CACNA2D3: variants seen among roughly 807,000 people sequenced by gnomAD.
CACNA2D3 encodes calcium voltage-gated channel auxiliary subunit alpha2delta 3, also known as voltage-dependent calcium channel subunit alpha-2/delta-3.
In CACNA2D3, 60 loss-of-function variants were observed where a neutral mutation model predicts 160.6. The ratio of observed to expected loss-of-function variants is 0.37; its 90% confidence interval spans 0.30 to 0.46. The LOEUF (loss-of-function observed/expected upper bound fraction) is 0.46, where lower values mean the gene tolerates loss of function less well. CACNA2D3 is among the 20% of genes least tolerant of loss of function. The pLI, the probability that CACNA2D3 is intolerant of heterozygous loss-of-function variation, is 1.00. For missense variants in CACNA2D3, 1,205 were observed against 1,365.0 expected (o/e 0.88, Z 1.85); for synonymous variants, 558 against 492.9 (o/e 1.13, Z -1.75).
At chr3:54,166,030 C>T (rs989734612) in intron 2 of CACNA2D3, among the ~76,000 whole-genome samples, 1 of 152,144 alleles carries the variant, frequency 6.6e-6, no homozygotes, top group Non-Finnish European at 1.5e-5. Context: ...GGAGCCCAGA[C>T]ATGGGAAGAG....
At chr3:55,071,613 C>T (rs1700083260) in intron 35 of CACNA2D3, among the ~76,000 whole-genome samples, 1 of 152,124 alleles carries the variant, frequency 6.6e-6, no homozygotes, top group Non-Finnish European at 1.5e-5. Flanking sequence ...GTTTTATTCT[C>T]ATTCTAAGTA....
intron 4 of CACNA2D3, among the ~76,000 whole-genome samples, chr3:54,394,540 A>G (rs975439538): frequency 1.3e-4 from 16 of 124,546 alleles, no homozygotes; most frequent in East Asian, 9.7e-4. Flanking sequence ...TCATTGTTCA[A>G]TTCCCACCTA....
chr3:55,038,079 G>A (rs1359546479), intron 35 of CACNA2D3, among the ~76,000 whole-genome samples: 1 of 152,104 alleles, frequency 6.6e-6, no homozygotes, highest in Admixed American at 6.6e-5. Flanking sequence ...TAACATCCAT[G>A]ATAAAGCAAT....
At chr3:54,627,131 G>A (rs2106816150) in intron 9 of CACNA2D3, among the ~76,000 whole-genome samples, 2 of 152,236 alleles carry the variant, frequency 1.3e-5, no homozygotes, top group Middle Eastern at 6.8e-3. Flanking sequence ...AGCCCCTTCT[G>A]TGTGTATTAC....
At chr3:54,924,550 A>G (rs769241590) in intron 27 of CACNA2D3, 2 of 1,263,038 alleles carry the variant, frequency 1.6e-6, no homozygotes, top group Non-Finnish European at 2.2e-6. Context: ...TTTCTAATGC[A>G]GAGAACAGAT....
chr3:54,923,902 A>G lies in CACNA2D3; in HGVS notation c.2449+24034A>G, dbSNP rs989295382. On this transcript the variant is annotated intron_variant, in intron 27 of 37. Transcript: ENST00000474759. ...CCCCTGTCACAACTACTCTGCTTTT[A>G]TAGTGCAAAGCAACCACTCACTCAT... Among the ~76,000 whole-genome samples the G allele has an allele frequency of 3.3e-5, 5 of 152,224 alleles. No homozygotes were observed. The South Asian group carries it at 1.0e-3, about 31-fold the overall frequency.
intron 2 of CACNA2D3, among the ~76,000 whole-genome samples, chr3:54,265,646 G>GTA (rs575779175): frequency 2.0e-5 from 3 of 146,808 alleles, no homozygotes; most frequent in Admixed American, 1.4e-4. Flanking sequence ...TATATAGTGT[G>GTA]TATATATATA....
At chr3:54,342,010 C>G (rs1698362773) in intron 3 of CACNA2D3, among the ~76,000 whole-genome samples, 1 of 152,122 alleles carries the variant, frequency 6.6e-6, no homozygotes, top group South Asian at 2.1e-4. Context: ...ATGTTGCTAT[C>G]TCTCCATCTC....
intron 2 of CACNA2D3, among the ~76,000 whole-genome samples, chr3:54,154,415 T>C (rs1700205090): frequency 6.6e-6 from 1 of 152,220 alleles, no homozygotes; most frequent in Non-Finnish European, 1.5e-5. Context: ...GTGATGGAGT[T>C]ACATTTGAAT....
intron 5 of CACNA2D3, among the ~76,000 whole-genome samples, chr3:54,533,269 G>A (rs183339144): frequency 8.6e-5 from 13 of 151,568 alleles, no homozygotes; most frequent in African/African-American, 3.1e-4. Context: ...ATTGTTCTGA[G>A]TGTGCTGGTT....
chr3:54,889,503 T>C (rs1700005520), intron 24 of CACNA2D3, among the ~76,000 whole-genome samples: 1 of 152,094 alleles, frequency 6.6e-6, no homozygotes, highest in South Asian at 2.1e-4. Flanking sequence ...GGTTGAGCCA[T>C]CAAGGATCAT....
intron 2 of CACNA2D3, among the ~76,000 whole-genome samples, chr3:54,276,477 G>C (rs1357197874): frequency 6.6e-6 from 1 of 151,816 alleles, no homozygotes; most frequent in African/African-American, 2.4e-5. Flanking sequence ...GGAGGCTGAG[G>C]CAGGAGAATT....
intron 6 of CACNA2D3, among the ~76,000 whole-genome samples, 193 bp from the exon 7 acceptor site, chr3:54,569,602 G>A (rs956025757): frequency 1.3e-5 from 2 of 152,216 alleles, no homozygotes; most frequent in East Asian, 1.9e-4. Flanking sequence ...AGCTAGCGCT[G>A]TGTTTGCTAT....
At chr3:54,257,422 C>T (rs924739239) in intron 2 of CACNA2D3, among the ~76,000 whole-genome samples, 3 of 152,166 alleles carry the variant, frequency 2.0e-5, no homozygotes, top group East Asian at 1.9e-4. Flanking sequence ...CTGCATGTAG[C>T]GTGAGAGCTA....
At chr3:54,514,034 A>G (rs1701504264) in intron 5 of CACNA2D3, among the ~76,000 whole-genome samples, 2 of 152,192 alleles carry the variant, frequency 1.3e-5, no homozygotes, top group Admixed American at 1.3e-4. Context: ...GTTTTTGTCA[A>G]ATTGTGCTAT....
chr3:54,818,804 C>A (rs768823875), intron 14 of CACNA2D3, among the ~76,000 whole-genome samples: 50 of 152,116 alleles, frequency 3.3e-4, no homozygotes, highest in Admixed American at 7.2e-4. Flanking sequence ...TGTCTTTTTT[C>A]TGTTAAAATA....
chr3:54,487,458 G>A (rs1446274018), intron 4 of CACNA2D3, among the ~76,000 whole-genome samples: 1 of 152,210 alleles, frequency 6.6e-6, no homozygotes, highest in Admixed American at 6.5e-5. Flanking sequence ...GTCGCTTGGG[G>A]ACAAGTCCTG....
intron 2 of CACNA2D3, among the ~76,000 whole-genome samples, chr3:54,149,267 G>GCGCACACACACACA (rs111927276): frequency 4.2e-5 from 6 of 144,440 alleles, no homozygotes; most frequent in African/African-American, 1.6e-4. Flanking sequence ...GGTCCCATGT[G>GCGCACACACACACA]CACACACACA....
chr3:54,706,992 G>A (rs1423942922), intron 11 of CACNA2D3, among the ~76,000 whole-genome samples: 1 of 152,146 alleles, frequency 6.6e-6, no homozygotes, highest in Non-Finnish European at 1.5e-5. Context: ...GGGATTTCAT[G>A]CTCTGCTGCA....
Sources: gnomAD v4.1 joint callset for allele counts (sites outside exome capture counted in the v4.1 genomes callset) on GRCh38, gnomAD v4.1.1 for gene constraint, MANE v1.5 for transcripts, NCBI Gene and HGNC (gene_info 2026-07-23, HGNC 2026-07-21) for gene names.